The following TNS1 variants were observed in gnomAD, a reference collection of about 807,000 sequenced individuals.
The protein encoded by TNS1 is tensin-1.
In TNS1, 62 loss-of-function variants were observed where a neutral mutation model predicts 168.6. The ratio of observed to expected loss-of-function variants is 0.37; its 90% CI spans 0.30 to 0.45. The LOEUF is 0.45. Ranked by LOEUF, TNS1 falls within the 20% of genes least tolerant of loss-of-function variation. The probability of loss-of-function intolerance (pLI) is 1.00; values close to 1 mark genes in which losing one functional copy is unlikely to be tolerated. For missense variants in TNS1, 2,240 were observed against 2,339.4 expected (o/e 0.96, Z 0.88); for synonymous variants, 934 against 933.2 (o/e 1.00, Z -0.02).
At chr2:217,950,926 G>T (rs1445941167) in intron 3 of TNS1, among the ~76,000 whole-genome samples, 1 of 151,852 alleles carries the variant, frequency 6.6e-6, no homozygotes. Context: ...GGGCTCCGAG[G>T]GAAAATCTCC....
intron 3 of TNS1, among the ~76,000 whole-genome samples, chr2:217,926,523 A>G (rs1005480500): frequency 6.6e-6 from 1 of 152,182 alleles, no homozygotes; most frequent in African/African-American, 2.4e-5. Context: ...GGGTTTGTAG[A>G]GCACCCACTG....
intron 11 of TNS1, 72 bp downstream of exon 11, chr2:217,892,876 C>T: frequency 6.6e-7 from 1 of 1,512,642 alleles, no homozygotes; most frequent in Middle Eastern, 2.0e-4. Context: ...AGCAGAGAGG[C>T]TGTGGGTGGA....
At chr2:217,833,120 A>T (rs1299069162) in intron 21 of TNS1, among the ~76,000 whole-genome samples, 2 of 152,258 alleles carry the variant, frequency 1.3e-5, no homozygotes, top group Non-Finnish European at 2.9e-5. Context: ...ACGGTCATTC[A>T]TGGAATAACC....
intron 1 of TNS1, 80 bp downstream of exon 1, chr2:218,002,760 A>C (rs1022652892): frequency 8.6e-5 from 39 of 455,616 alleles, no homozygotes; most frequent in Non-Finnish European, 1.5e-4. Context: ...GCTCTCAGCA[A>C]AAGGATAAGG....
At chr2:218,009,782 G>A (rs1166745759) in intron 1 of TNS1, among the ~76,000 whole-genome samples, 4 of 152,110 alleles carry the variant, frequency 2.6e-5, no homozygotes, top group Non-Finnish European at 5.9e-5. Flanking sequence ...ACTTTACTCC[G>A]TATCCCCAAA....
At position 217,890,993 on chromosome 2, in the gene TNS1, T is replaced by A; in HGVS notation, c.835A>T (p.Ile279Phe). 6.2e-7 allele frequency: 1 copy of A among 1,614,156 alleles called. No homozygotes were observed. The highest frequency in any genetic ancestry group is 8.5e-7 in the Non-Finnish European group (1 of 1,180,036). The change falls in exon 12 of 33, where the codon ATT (isoleucine) becomes TTT (phenylalanine). Residue 279 changes from isoleucine (I) to phenylalanine (F), a missense_variant. This residue lies in a region of TNS1 where 2,131 missense variants were observed against 2,171.2 expected (regional missense o/e 0.98). Transcript: ENST00000682258. ...FAMKRFYEDK[I>F]VPIGQPSQRR... ...TGGGATGGCTGGCCAATGGGCACAA[T>A]CTTATCCTCATAGAACCGCTTCATT...
At chr2:217,896,921 T>C (rs1028233690) in intron 8 of TNS1, among the ~76,000 whole-genome samples, 3 of 152,216 alleles carry the variant, frequency 2.0e-5, no homozygotes, top group East Asian at 3.8e-4. Context: ...TTCTGCTGTA[T>C]TGTTTTTATT....
At position 217,843,799 on chromosome 2, in the gene TNS1, A is replaced by C. The variant is rs564968192; in HGVS notation, c.3007+3711T>G. Among the ~76,000 whole-genome samples, 7 of 152,180 alleles carry C rather than the reference A, an allele frequency of 4.6e-5. No individual in the cohort carries two copies. In the South Asian group the frequency reaches 1.2e-3, roughly 27 times the overall value. ...CCCTTTACAGCCTCTACCTCCCTTCATGGCCATTCCATCCTAAGTTCTTTT... is the reference window on the plus strand; with the variant it reads ...CCCTTTACAGCCTCTACCTCCCTTCCTGGCCATTCCATCCTAAGTTCTTTT... On this transcript the variant is annotated intron_variant, in intron 19 of 32. Coordinates refer to ENST00000682258, the MANE Select transcript of TNS1 (RefSeq NM_001387777.1).
intron 3 of TNS1, among the ~76,000 whole-genome samples, chr2:217,937,827 G>A (rs1378663244): frequency 3.3e-5 from 5 of 152,108 alleles, no homozygotes; most frequent in African/African-American, 9.7e-5. Flanking sequence ...GCTCACTTGA[G>A]GAGCACTGCT....
intron 18 of TNS1, chr2:217,879,185 T>G: frequency 1.1e-5 from 3 of 280,978 alleles, no homozygotes; most frequent in South Asian, 8.2e-5. Flanking sequence ...TCCTCACCGT[T>G]AATTATTTTA....
chr2:217,989,814 C>T (rs534219074), intron 2 of TNS1, among the ~76,000 whole-genome samples: 2 of 152,218 alleles, frequency 1.3e-5, no homozygotes, highest in East Asian at 3.9e-4. Flanking sequence ...CACACACCAA[C>T]CACATCCCAT....
intron 30 of TNS1, among the ~76,000 whole-genome samples, chr2:217,809,389 A>G (rs1213135865): frequency 2.3e-4 from 30 of 128,866 alleles, no homozygotes; most frequent in African/African-American, 7.7e-4. Flanking sequence ...GGATGGATGG[A>G]TGGATGGATG....
intron 22 of TNS1, chr2:217,829,734 C>T (rs1265938916): frequency 1.1e-5 from 14 of 1,311,640 alleles, no homozygotes; most frequent in Middle Eastern, 4.0e-4. Context: ...GCCTGGTCGC[C>T]TGAGTCCCAG....
intron 22 of TNS1, chr2:217,830,451 G>C: frequency 5.0e-6 from 8 of 1,593,872 alleles, no homozygotes; most frequent in Non-Finnish European, 6.8e-6. Context: ...CCAGAGTCCA[G>C]GGAGCAGCTT....
rs1050303346 is a variant in TNS1 at position 217,923,832 on chromosome 2, C to T, written c.187-3596G>A. On this transcript the variant is annotated intron_variant, in intron 3 of 32. Transcript: ENST00000682258. Reference sequence around the variant, plus strand: ...CTCTGGAGGCTGCGAGGTGGAGCCCCGTGGGTGCAGCTGGAAGGTGAGCAT... The same window carrying T: ...CTCTGGAGGCTGCGAGGTGGAGCCCTGTGGGTGCAGCTGGAAGGTGAGCAT... Among the ~76,000 whole-genome samples, 5 of 152,178 alleles carry T rather than the reference C, an allele frequency of 3.3e-5. No homozygotes were observed. In the South Asian group the frequency reaches 8.3e-4, roughly 25 times the overall value.
At chr2:217,979,072 G>C in intron 2 of TNS1, 1 of 450,788 alleles carries the variant, frequency 2.2e-6, no homozygotes, top group Non-Finnish European at 4.0e-6. Context: ...GGAAGGTGGG[G>C]GGAGCAAAGG....
upstream of TNS1, among the ~76,000 whole-genome samples, chr2:218,004,347 A>G (rs934038): frequency 0.68 from 103,287 of 151,854 alleles, 36,159 homozygotes; most frequent in Middle Eastern, 0.82. Flanking sequence ...CACATGCACG[A>G]AGGGTTACAG....
rs1421533769 is a variant in TNS1, at chr2:217,847,943, A to G, written c.2574T>C (p.Ser858=). ...SAAAPLHKSQ[S]VPGAWPGASP... is the part of the protein sequence containing the mutation. ...AAGCCCCTGGCCAGGCCCCGGGGAC[A>G]CTCTGGGACTTGTGTAGTGGGGCAG... The change falls in exon 19 of 33, where the codon AGT becomes AGC. Residue 858 remains serine (S), a synonymous_variant. Transcript: ENST00000682258. 3 of 1,510,432 alleles carry G rather than the reference A, an allele frequency of 2.0e-6. No individual in the cohort carries two copies. The highest frequency in any genetic ancestry group is 2.7e-6 in the Non-Finnish European group (3 of 1,126,606). 93.6% of individuals were successfully genotyped at this position (1,510,432 alleles called of 1,614,324 possible).
rs748417743 is a variant in TNS1 at position 217,847,794 on chromosome 2, G to A, written c.2723C>T (p.Ser908Phe). ...CCTGCCAGGAGGGACAGACTCCAGA[G>A]AGGCCCGTGGGGCTGGCTCAGGGGT... ...LGTPEPAPRASLESVPPGRSY... is the reference protein window; with the variant it reads ...LGTPEPAPRAFLESVPPGRSY... The change falls in exon 19 of 33, where the codon TCT becomes TTT. Residue 908 changes from serine (S) to phenylalanine (F), a missense_variant. Ser to Phe is a radical substitution (Grantham distance 155, BLOSUM62 -2). Transcript: ENST00000682258. The A allele has an allele frequency of 3.1e-6, 5 of 1,603,934 alleles. No homozygotes were observed. Among genetic ancestry groups the A allele is most frequent in the Middle Eastern group, 1.7e-4 (1 of 6,048 alleles).
Sources: gnomAD v4.1 joint callset for allele counts (sites outside exome capture counted in the v4.1 genomes callset) on GRCh38, gnomAD v4.1.1 for gene constraint, gnomAD v4.1.1 regional missense constraint, MANE v1.5 for transcripts, NCBI Gene and HGNC (gene_info 2026-07-23, HGNC 2026-07-21) for gene names.